Variants in ZNF765 observed in about 807,000 individuals in gnomAD.
ZNF765 encodes zinc finger protein 765.
Under a neutral mutation model 44.7 loss-of-function variants are expected in ZNF765, and 37 were observed. That is an observed-to-expected ratio of 0.83 (90% CI 0.64 to 1.09). The LOEUF (loss-of-function observed/expected upper bound fraction) is 1.09. Among genes scored for constraint, ZNF765 ranks in the 50% least tolerant of loss-of-function variants. The pLI is 0.00. For synonymous variants in ZNF765, 201 were observed against 213.7 expected, an observed-to-expected ratio of 0.94 and a Z score of 0.52; for missense variants, 594 against 626.1, an observed-to-expected ratio of 0.95 and a Z score of 0.55.
At position 53,409,728 on chromosome 19, in the gene ZNF765, G is replaced by T; in HGVS notation, c.*601G>T. Reference sequence around the variant, plus strand: ...TGTAATGAGTGTGGCAAGACCTTTAGTCAGAACTCATACCTTACATGCCAT... The same window carrying T: ...TGTAATGAGTGTGGCAAGACCTTTATTCAGAACTCATACCTTACATGCCAT... On this transcript the variant is annotated 3_prime_UTR_variant, in exon 4 of 4. Coordinates refer to ENST00000396408, the MANE Select transcript of ZNF765 (RefSeq NM_001040185.3). 1 of 959,202 alleles carries T rather than the reference G, an allele frequency of 1.0e-6. No individual in the cohort carries two copies. Among genetic ancestry groups the T allele is most frequent in the Non-Finnish European group, 1.7e-6 (1 of 596,658 alleles). The allele number at this position is 959,202 out of a possible 1,614,324, so 59.4% of individuals were successfully genotyped here.
chr19:53,418,413 C>T (rs1203648011), intron 3 of ZNF765, among the ~76,000 whole-genome samples: 3 of 152,038 alleles, frequency 2.0e-5, no homozygotes, highest in Admixed American at 1.3e-4. Flanking sequence ...ATGATCATTG[C>T]GGTTGTGACA....
chr19:53,400,453 C>T (rs941423460), intron 2 of ZNF765, among the ~76,000 whole-genome samples: 3 of 152,032 alleles, frequency 2.0e-5, no homozygotes, highest in African/African-American at 7.2e-5. Flanking sequence ...TAGGATGAGG[C>T]ATTTCCTGTT....
chr19:53,401,587 AC>A (rs772520767), intron 2 of ZNF765, among the ~76,000 whole-genome samples: 7 of 132,232 alleles, frequency 5.3e-5, no homozygotes, highest in African/African-American at 1.7e-4. Context: ...AAAAAAAAAA[AC>A]GTTTCTGGGC....
chr19:53,407,772 A>C lies in ZNF765; in HGVS notation c.217A>C (p.Thr73Pro). ...QGNREVFHAG[T>P]SQRHESHHNG... Reference sequence around the variant, plus strand: ...CAATAGAGAAGTGTTCCATGCAGGGACATCTCAAAGACATGAAAGTCATCA... The same window carrying C: ...CAATAGAGAAGTGTTCCATGCAGGGCCATCTCAAAGACATGAAAGTCATCA... The change falls in exon 4 of 4, where the codon ACA (threonine) becomes CCA (proline). Residue 73 changes from threonine (T) to proline (P), a missense_variant. Thr to Pro is a conservative substitution (Grantham distance 38, BLOSUM62 -1). Around this residue, in one of 2 missense-constraint regions of ZNF765, gnomAD observed 567 missense variants for 572.6 expected, o/e 0.99. Coordinates refer to ENST00000396408, the MANE Select transcript of ZNF765 (RefSeq NM_001040185.3). 1 of 1,609,540 alleles carries C rather than the reference A, an allele frequency of 6.2e-7. No individual in the cohort carries two copies. Among genetic ancestry groups the C allele is most frequent in the Admixed American group, 1.7e-5 (1 of 59,440 alleles).
At chr19:53,396,532 C>T (rs1409299398) in intron 1 of ZNF765, among the ~76,000 whole-genome samples, 14 of 152,166 alleles carry the variant, frequency 9.2e-5, no homozygotes, top group Non-Finnish European at 1.8e-4. Flanking sequence ...CCTTGCATAG[C>T]TGGTGGTCTT....
intron 2 of ZNF765, 189 bp from the exon 3 acceptor site, chr19:53,401,876 T>TAA (rs111753331): frequency 3.3e-5 from 40 of 1,218,438 alleles, no homozygotes; most frequent in African/African-American, 2.1e-4. Flanking sequence ...ACTCCACCTT[T>TAA]AAAAAAAAAA....
At position 53,407,992 on chromosome 19, in the gene ZNF765, C is replaced by A. The variant is rs371285062; in HGVS notation, c.437C>A (p.Ser146Ter). Residue 146 changes from serine (S) to a stop codon, truncating the protein, a stop_gained, in exon 4 of 4, where the codon TCG becomes TAG. Coordinates refer to ENST00000396408, the MANE Select transcript of ZNF765 (RefSeq NM_001040185.3). LOFTEE classifies it high-confidence loss of function. ...VKYQLGFSFH[S>*]HLPELHIFHT... ...TATCAGCTTGGATTCAGCTTTCATT[C>A]GCATCTGCCTGAACTGCACATATTT... is the stretch of plus-strand genomic sequence containing the variant. 15 of 1,614,140 alleles carry A rather than the reference C, an allele frequency of 9.3e-6. No homozygotes were observed. The highest frequency in any genetic ancestry group is 1.3e-5 in the Non-Finnish European group (15 of 1,180,024).
chr19:53,412,397 T>G (rs951642201), downstream of ZNF765, among the ~76,000 whole-genome samples: 5 of 152,226 alleles, frequency 3.3e-5, no homozygotes, highest in Non-Finnish European at 5.9e-5. Flanking sequence ...ACAATCCTTT[T>G]TACATCCTCT....
At chr19:53,427,171 T>G (rs2085944932) in exon 4 of ZNF765, 1 of 135,218 alleles carries the variant, frequency 7.4e-6, no homozygotes, top group Admixed American at 7.2e-5. Context: ...AGCGTGGCAG[T>G]GCAGATAGCT....
rs1297261953 is a variant in ZNF765 at position 53,411,693 on chromosome 19, G to GTA, written c.*2567_*2568dup. The GTA allele has an allele frequency of 2.0e-5, 3 of 152,274 alleles. No homozygotes were observed. Among genetic ancestry groups the GTA allele is most frequent in the Non-Finnish European group, 4.4e-5 (3 of 68,106 alleles). The allele number at this position is 152,274 out of a possible 1,614,324, so 9.4% of individuals were successfully genotyped here. A position where few individuals can be genotyped will look rare whatever the true frequency, so the allele number is the denominator to read the frequency against. On this transcript the variant is annotated 3_prime_UTR_variant, in exon 4 of 4. Transcript: ENST00000396408. ...TTTTTCCAAACCATAAGTATGGGTTGTAGCTCTATGTTTCTAATCATTTTG... is the reference window on the plus strand; with the variant it reads ...TTTTTCCAAACCATAAGTATGGGTTGTATAGCTCTATGTTTCTAATCATTTTG...
intron 3 of ZNF765, among the ~76,000 whole-genome samples, chr19:53,421,870 T>C (rs192185137): frequency 1.2e-4 from 18 of 152,316 alleles, no homozygotes; most frequent in Admixed American, 3.9e-4. Context: ...TTTCACGTCA[T>C]GTAGTTAAGA....
rs1473557408 is a variant in ZNF765, at chr19:53,409,848, A to G, written c.*721A>G. 1.0e-5 allele frequency: 7 copies of G among 674,746 alleles called. No homozygotes were observed. In the East Asian group the frequency reaches 1.6e-4, roughly 15 times the overall value. 41.8% of individuals were successfully genotyped at this position (674,746 alleles called of 1,614,324 possible). A position where few individuals can be genotyped will look rare whatever the true frequency, so the allele number is the denominator to read the frequency against. On this transcript the variant is annotated 3_prime_UTR_variant, in exon 4 of 4. Transcript: ENST00000396408. ...TACCTTACGCACCATCGTAGACTTC[A>G]TACTGGAGAGGTACCTTACAAGGAT... is the stretch of plus-strand genomic sequence containing the variant.
chr19:53,398,998 G>T (rs1207780383), intron 2 of ZNF765, among the ~76,000 whole-genome samples: 2 of 152,038 alleles, frequency 1.3e-5, no homozygotes, highest in African/African-American at 4.8e-5. Context: ...TGATCTGCCT[G>T]CCTCAGCCTC....
intron 3 of ZNF765, among the ~76,000 whole-genome samples, chr19:53,418,900 G>A (rs2085890943): frequency 8.7e-6 from 1 of 114,812 alleles, no homozygotes; most frequent in African/African-American, 3.6e-5. Context: ...GCGAAACTCC[G>A]TTGTGGGAGG....
chr19:53,401,380 G>A (rs1256095590), intron 2 of ZNF765, among the ~76,000 whole-genome samples: 4 of 151,940 alleles, frequency 2.6e-5, no homozygotes, highest in African/African-American at 7.3e-5. Context: ...TGGCTAACAC[G>A]GTGAAACCCC....
At chr19:53,401,912 G>A in intron 2 of ZNF765, 153 bp from the exon 3 acceptor site, 1 of 1,571,256 alleles carries the variant, frequency 6.4e-7, no homozygotes, top group Admixed American at 1.7e-5. Context: ...AACACAACTG[G>A]GAAGACAAAA....
chr19:53,423,998 C>T (rs1356174280), exon 4 of ZNF765: 3 of 152,398 alleles, frequency 2.0e-5, no homozygotes, highest in African/African-American at 4.8e-5. Flanking sequence ...TTTCTGTGTC[C>T]CTTGGAGCAG....
At chr19:53,423,582 G>GGTGGT (rs1203034844) in exon 4 of ZNF765, 1 of 339,462 alleles carries the variant, frequency 2.9e-6, no homozygotes, top group East Asian at 7.7e-5. Context: ...CCAGTCAGCT[G>GGTGGT]GTGGTGAACA....
At chr19:53,398,072 T>G in intron 2 of ZNF765, 42 bp downstream of exon 2, 1 of 1,613,838 alleles carries the variant, frequency 6.2e-7, no homozygotes, top group Non-Finnish European at 8.5e-7. Context: ...CTCCTTCTTT[T>G]CAGAAATGCT....
Sources: gnomAD v4.1 joint callset for allele counts (sites outside exome capture counted in the v4.1 genomes callset) on GRCh38, gnomAD v4.1.1 for gene constraint, gnomAD v4.1.1 regional missense constraint, MANE v1.5 for transcripts, NCBI Gene and HGNC (gene_info 2026-07-23, HGNC 2026-07-21) for gene names.